The following SLCO2A1 variants were observed in gnomAD, a reference collection of about 807,000 sequenced individuals.
SLCO2A1 encodes matrin F/G 1.
In SLCO2A1, 60 loss-of-function variants were observed where a neutral mutation model predicts 71.7. That is an observed-to-expected ratio of 0.84 (90% confidence interval 0.68 to 1.04). The LOEUF is 1.04. Ranked by LOEUF, SLCO2A1 falls within the 50% of genes least tolerant of loss-of-function variation. The probability of loss-of-function intolerance (pLI) is 0.00; values close to 1 mark genes in which losing one functional copy is unlikely to be tolerated. For missense variants in SLCO2A1, 745 were observed against 813.4 expected (o/e 0.92, Z 1.02); for synonymous variants, 308 against 326.7 (o/e 0.94, Z 0.62).
chr3:133,962,993 A>G (rs1934076750), intron 3 of SLCO2A1, among the ~76,000 whole-genome samples: 1 of 152,138 alleles, frequency 6.6e-6, no homozygotes, highest in African/African-American at 2.4e-5. Flanking sequence ...CAAGTTCATC[A>G]GAGCACATTT....
chr3:133,959,915 T>C (rs970800757), intron 3 of SLCO2A1, among the ~76,000 whole-genome samples: 2 of 151,502 alleles, frequency 1.3e-5, no homozygotes, highest in African/African-American at 2.4e-5. Flanking sequence ...GGTCAGGAGA[T>C]CAAGACCATC....
rs1406040264 is a variant in SLCO2A1, at chr3:133,979,537, C to T, written c.178G>A (p.Glu60Lys). The part of the protein sequence containing the change: ...AYFKSSLTTI[E>K]KRFGLSSSSS... The stretch of plus-strand genomic sequence containing the variant: ...GAACTGGAGAGCCCAAAGCGCTTCT[C>T]AATGGTGGTGAGGCTGCTCTTGAAG... Residue 60 changes from glutamate (E) to lysine (K), a missense_variant, in exon 2 of 14, where the codon GAG becomes AAG. Glu to Lys is a moderately conservative substitution (Grantham distance 56, BLOSUM62 1). Transcript: ENST00000310926. 3 of 1,614,014 alleles carry T rather than the reference C, an allele frequency of 1.9e-6. No homozygotes were observed. Among genetic ancestry groups the T allele is most frequent in the East Asian group, 2.2e-5 (1 of 44,896 alleles).
intron 1 of SLCO2A1, among the ~76,000 whole-genome samples, chr3:134,013,521 G>T (rs1194089516): frequency 3.9e-5 from 6 of 152,138 alleles, no homozygotes; most frequent in Non-Finnish European, 8.8e-5. Flanking sequence ...CCCGGCCCAG[G>T]AATTTTCTGA....
At chr3:133,935,104 A>AGCCACCCCC (rs1205990980) in intron 13 of SLCO2A1, among the ~76,000 whole-genome samples, 2 of 152,048 alleles carry the variant, frequency 1.3e-5, no homozygotes, top group African/African-American at 4.8e-5. Context: ...CAGCTGCCCC[A>AGCCACCCCC]GCCACCCCCA....
intron 1 of SLCO2A1, among the ~76,000 whole-genome samples, chr3:134,005,487 T>TTA (rs1434759314): frequency 6.7e-6 from 1 of 149,876 alleles, no homozygotes; most frequent in Non-Finnish European, 1.5e-5. Flanking sequence ...TATAATTTTT[T>TTA]TTTTTTTTTT....
At chr3:133,962,441 T>C (rs910084885) in intron 3 of SLCO2A1, among the ~76,000 whole-genome samples, 1 of 132,764 alleles carries the variant, frequency 7.5e-6, no homozygotes, top group African/African-American at 2.6e-5. Context: ...ACACACATTT[T>C]AAAAAAGAAA....
intron 2 of SLCO2A1, among the ~76,000 whole-genome samples, chr3:133,975,322 A>G (rs547670454): frequency 3.9e-5 from 6 of 152,192 alleles, no homozygotes; most frequent in Admixed American, 2.0e-4. Context: ...ACATTCGAAC[A>G]TCATCTTGAC....
intron 1 of SLCO2A1, among the ~76,000 whole-genome samples, chr3:134,004,093 CGTGTGTGTGTGTGTGTGT>C (rs71139603): frequency 0.62 from 93,316 of 149,478 alleles, 30,530 homozygotes; most frequent in East Asian, 0.95. Context: ...TGAATCTCTT[CGTGTGTGTGTGTGTGTGT>C]GTGTGTGTGT....
intron 1 of SLCO2A1, among the ~76,000 whole-genome samples, chr3:134,018,457 C>T (rs904668040): frequency 1.3e-5 from 2 of 152,208 alleles, no homozygotes; most frequent in Non-Finnish European, 2.9e-5. Flanking sequence ...ATTCTCCCCC[C>T]ATTTTTTGGT....
chr3:133,965,993 A>T (rs1054406677), intron 3 of SLCO2A1, among the ~76,000 whole-genome samples: 1 of 152,208 alleles, frequency 6.6e-6, no homozygotes, highest in Non-Finnish European at 1.5e-5. Context: ...GCCTGCTCCC[A>T]CAAACCATGA....
chr3:133,977,398 C>T (rs1471770740), intron 2 of SLCO2A1, among the ~76,000 whole-genome samples: 1 of 152,192 alleles, frequency 6.6e-6, no homozygotes, highest in African/African-American at 2.4e-5. Flanking sequence ...GCAGATCCTG[C>T]TACAAGTCCT....
Position 133,955,127 on chromosome 3 carries a change from C to T in SLCO2A1, c.464G>A (p.Cys155Tyr). The change falls in exon 4 of 14, where the codon TGC becomes TAC. Residue 155 changes from cysteine to tyrosine, a missense_variant. Cys to Tyr is a radical substitution (Grantham distance 194). Coordinates refer to ENST00000310926, the MANE Select transcript of SLCO2A1 (RefSeq NM_005630.3). The stretch of plus-strand genomic sequence containing the variant: ...CTGGGGGTTCTGGGTGGTGCTGTGG[C>T]ACTTACTGGGAGGCAGGTCCTGCCA... ...KHWQDLPPSK[C>Y]HSTTQNPQKE... 1 of 1,614,162 alleles carries T rather than the reference C, an allele frequency of 6.2e-7. No homozygotes were observed. The highest frequency in any genetic ancestry group is 2.2e-5 in the East Asian group (1 of 44,874).
chr3:133,954,184 T>TG (rs1933826298), intron 4 of SLCO2A1, among the ~76,000 whole-genome samples: 1 of 121,180 alleles, frequency 8.3e-6, no homozygotes, highest in Non-Finnish European at 1.7e-5. Context: ...TTTTTTTAGA[T>TG]GGAGTTTCAC....
chr3:134,023,473 A>C (rs1299236103), intron 1 of SLCO2A1, among the ~76,000 whole-genome samples: 2 of 152,200 alleles, frequency 1.3e-5, no homozygotes, highest in African/African-American at 4.8e-5. Context: ...GGGCATTAGT[A>C]AAGTAGGACC....
In SLCO2A1 at chr3:133,934,646, T is replaced by G; in HGVS notation, c.*67A>C. On this transcript the variant is annotated 3_prime_UTR_variant, in exon 14 of 14. Coordinates refer to ENST00000310926, the MANE Select transcript of SLCO2A1 (RefSeq NM_005630.3). ...AAAGGAAATGACGTGTTAACATTAG[T>G]GAGTATAGGCAGGTGTGGAAGAGTC... is the stretch of plus-strand genomic sequence containing the variant. 13 of 1,056,184 alleles carry G rather than the reference T, an allele frequency of 1.2e-5. No homozygotes were observed. Among genetic ancestry groups the G allele is most frequent in the Non-Finnish European group, 1.7e-5 (12 of 690,408 alleles). 65.4% of individuals were successfully genotyped at this position (1,056,184 alleles called of 1,614,324 possible).
At chr3:133,980,898 C>T (rs1208282826) in intron 1 of SLCO2A1, among the ~76,000 whole-genome samples, 1 of 152,226 alleles carries the variant, frequency 6.6e-6, no homozygotes, top group African/African-American at 2.4e-5. Context: ...GCCACCTGAA[C>T]CTGTGTGGCC....
intron 3 of SLCO2A1, among the ~76,000 whole-genome samples, chr3:133,969,574 T>TG (rs112111497): frequency 0.062 from 9,460 of 151,624 alleles, 473 homozygotes; most frequent in African/African-American, 0.14. Context: ...TTTGTAGAGA[T>TG]GGGGTCTCAC....
intron 1 of SLCO2A1, among the ~76,000 whole-genome samples, chr3:134,011,133 C>T (rs1935333489): frequency 1.3e-5 from 2 of 152,312 alleles, no homozygotes; most frequent in South Asian, 4.1e-4. Flanking sequence ...TCACTGCAAC[C>T]TCCGCCTCCT....
intron 1 of SLCO2A1, among the ~76,000 whole-genome samples, chr3:134,024,041 AC>A (rs1935649560): frequency 6.6e-6 from 1 of 152,222 alleles, no homozygotes; most frequent in African/African-American, 2.4e-5. Context: ...TTCCTTGGAG[AC>A]CTGAAAGGAT....
Sources: allele counts gnomAD v4.1 joint callset (sites outside exome capture counted in the v4.1 genomes callset), GRCh38; gene constraint gnomAD v4.1.1; transcripts MANE v1.5; gene names NCBI Gene and HGNC (gene_info 2026-07-23, HGNC 2026-07-21).